Variants in STX16 observed in about 807,000 individuals in gnomAD.
The protein encoded by STX16 is syntaxin 16.
STX16 carries 28 observed loss-of-function variants against 42.7 expected under a neutral mutation model. The ratio of observed to expected loss-of-function variants is 0.66; its 90% CI spans 0.49 to 0.90. The LOEUF (loss-of-function observed/expected upper bound fraction) is 0.90. Among genes scored for constraint, STX16 ranks in the 40% least tolerant of loss-of-function variants. STX16 has a pLI of 0.00. For missense variants in STX16, 361 were observed against 420.9 expected, an observed-to-expected ratio of 0.86 and a Z score of 1.24; for synonymous variants, 156 against 155.2, an observed-to-expected ratio of 1.00 and a Z score of -0.04.
Position 58,670,504 on chromosome 20 carries a change from T to C in STX16, c.557-8T>C. The C allele has an allele frequency of 6.2e-7, 1 of 1,601,984 alleles. No homozygotes were observed. The highest frequency in any genetic ancestry group is 1.3e-5 in the African/African-American group (1 of 74,756). On this transcript the variant is annotated splice_polypyrimidine_tract_variant and splice_region_variant and intron_variant, in intron 5 of 8. Coordinates refer to ENST00000371141, the MANE Select transcript of STX16 (RefSeq NM_001001433.3). Reference sequence around the variant, plus strand: ...TATTCAAGTAAAATGAATTCCTATCTGTGATAGGCATGAAGAATCGAGAGG... The same window carrying C: ...TATTCAAGTAAAATGAATTCCTATCCGTGATAGGCATGAAGAATCGAGAGG...
chr20:58,655,101 C>T (rs780700903), intron 1 of STX16, among the ~76,000 whole-genome samples: 1 of 151,928 alleles, frequency 6.6e-6, no homozygotes, highest in Admixed American at 6.6e-5. Context: ...AAATAATAAC[C>T]TGGAATTTTA....
chr20:58,654,494 G>C (rs760561865), intron 1 of STX16, among the ~76,000 whole-genome samples: 3 of 152,084 alleles, frequency 2.0e-5, no homozygotes, highest in African/African-American at 4.8e-5. Flanking sequence ...ACTAAATAGA[G>C]GTTATGATTT....
chr20:58,668,089 G>A lies in STX16; in HGVS notation c.355G>A (p.Glu119Lys). The A allele has an allele frequency of 2.5e-6, 4 of 1,614,254 alleles. No homozygotes were observed. The highest frequency in any genetic ancestry group is 3.4e-6 in the Non-Finnish European group (4 of 1,180,054). The change falls in exon 4 of 9, where the codon GAA becomes AAA. Residue 119 changes from glutamate (E) to lysine (K), a missense_variant. Physicochemically the swap from Glu to Lys is moderately conservative, Grantham distance 56. Coordinates refer to ENST00000371141, the MANE Select transcript of STX16 (RefSeq NM_001001433.3). The stretch of plus-strand genomic sequence containing the variant: ...CACCCTGGATGACAGCAGCGAAGAG[G>A]AACATGCCATTGAGATAACTACCCA... The part of the protein sequence containing the change: ...RPTLDDSSEE[E>K]HAIEITTQEI...
chr20:58,672,685 C>CA (rs1255435610), intron 7 of STX16, among the ~76,000 whole-genome samples: 2 of 152,142 alleles, frequency 1.3e-5, no homozygotes, highest in African/African-American at 4.8e-5. Flanking sequence ...CGAGGGTACT[C>CA]ATGTGAGCAC....
chr20:58,665,700 G>A (rs762670963), intron 2 of STX16, among the ~76,000 whole-genome samples: 11 of 152,136 alleles, frequency 7.2e-5, no homozygotes, highest in African/African-American at 2.4e-4. Flanking sequence ...CAGACAGTGC[G>A]GGTTTGGATG....
At chr20:58,655,606 T>C (rs894473286) in intron 1 of STX16, among the ~76,000 whole-genome samples, 1 of 152,182 alleles carries the variant, frequency 6.6e-6, no homozygotes, top group East Asian at 1.9e-4. Context: ...TGATGGAAAA[T>C]GCCAGCAGCT....
chr20:58,658,881 C>T (rs774295385), intron 1 of STX16, among the ~76,000 whole-genome samples: 17 of 152,176 alleles, frequency 1.1e-4, no homozygotes, highest in African/African-American at 4.1e-4. Flanking sequence ...TGTTTTGTCT[C>T]GTTTGCTTGC....
At position 58,651,967 on chromosome 20, in the gene STX16, G is replaced by T; in HGVS notation, c.-40G>T. 1 of 1,608,576 alleles carries T rather than the reference G, an allele frequency of 6.2e-7. No homozygotes were observed. The highest frequency in any genetic ancestry group is 8.5e-7 in the Non-Finnish European group (1 of 1,175,350). Reference sequence around the variant, plus strand: ...AGTGAATAAATCAGGAATATAAGTGGGCGGGGGGCCCCTGAGAGGGGGGTC... The same window carrying T: ...AGTGAATAAATCAGGAATATAAGTGTGCGGGGGGCCCCTGAGAGGGGGGTC... On this transcript the variant is annotated 5_prime_UTR_variant, in exon 1 of 9. Transcript: ENST00000371141.
intron 2 of STX16, among the ~76,000 whole-genome samples, chr20:58,662,652 A>C (rs2083727988): frequency 6.6e-6 from 1 of 152,230 alleles, no homozygotes. Context: ...CTGGGACTAC[A>C]GGTGCGTGCC....
In STX16 at chr20:58,652,070, C is replaced by A. The variant is rs773961891; in HGVS notation, c.64C>A (p.Gln22Lys). 6.2e-7 allele frequency: 1 copy of A among 1,614,212 alleles called. No homozygotes were observed. Among genetic ancestry groups the A allele is most frequent in the East Asian group, 2.2e-5 (1 of 44,888 alleles). Residue 22 changes from glutamine (Q) to lysine (K), a missense_variant, in exon 1 of 9, where the codon CAG becomes AAG. Coordinates refer to ENST00000371141, the MANE Select transcript of STX16 (RefSeq NM_001001433.3). ...LLRNNSIQNRQLLAEQVSSHI... is the reference protein window; with the variant it reads ...LLRNNSIQNRKLLAEQVSSHI... ...GCGGAATAATTCCATCCAAAACCGG[C>A]AGCTGTTAGCCGAGCAAGTGAGTAG...
intron 2 of STX16, among the ~76,000 whole-genome samples, chr20:58,665,929 T>A (rs1328285111): frequency 6.6e-6 from 1 of 152,214 alleles, no homozygotes; most frequent in African/African-American, 2.4e-5. Context: ...CTCCAGGGCA[T>A]GCAGGGAGGT....
At chr20:58,655,659 A>G (rs979295480) in intron 1 of STX16, among the ~76,000 whole-genome samples, 5 of 152,020 alleles carry the variant, frequency 3.3e-5, no homozygotes, top group African/African-American at 1.2e-4. Context: ...GTTAATCCCA[A>G]CTATTTGTGT....
chr20:58,651,745 T>G lies in STX16; in HGVS notation c.-262T>G. On this transcript the variant is annotated 5_prime_UTR_variant, in exon 1 of 9. The change creates a new upstream start codon in the 5' untranslated region. Coordinates refer to ENST00000371141, the MANE Select transcript of STX16 (RefSeq NM_001001433.3). ...GGACGTTGGATCGCTACGCAAGGAT[T>G]GGGGGGATTCAAGTGCTTAGAGATC... 1 of 402,618 alleles carries G rather than the reference T, an allele frequency of 2.5e-6. No individual in the cohort carries two copies. The highest frequency in any genetic ancestry group is 4.6e-6 in the Non-Finnish European group (1 of 216,190). 24.9% of individuals were successfully genotyped at this position (402,618 alleles called of 1,614,324 possible).
At chr20:58,667,895 T>C (rs1312590612) in intron 3 of STX16, 92 bp from the exon 4 acceptor site, 2 of 1,550,300 alleles carry the variant, frequency 1.3e-6, no homozygotes, top group Non-Finnish European at 1.8e-6. Context: ...ACAAGTTTGC[T>C]GAAGACCGAA....
At position 58,651,543 on chromosome 20, in the gene STX16, G is replaced by A. The variant is rs41296203; in HGVS notation, c.-464G>A. On this transcript the variant is annotated 5_prime_UTR_variant, in exon 1 of 9. Coordinates refer to ENST00000371141, the MANE Select transcript of STX16 (RefSeq NM_001001433.3). ...AGGCCAGGCCTCTGGTGCGGAAACT[G>A]AGTCACAGCCAGACCTCAGGGCACG... 529 of 159,326 alleles carry A rather than the reference G, an allele frequency of 3.3e-3. 3 individuals carry two copies. Among genetic ancestry groups the A allele is most frequent in the Middle Eastern group, 0.013 (4 of 306 alleles). The allele number at this position is 159,326 out of a possible 1,614,324, so 9.9% of individuals were successfully genotyped here.
chr20:58,669,466 C>T lies in STX16; in HGVS notation c.556+13C>T, dbSNP rs1303068618. The T allele has an allele frequency of 1.4e-5, 22 of 1,593,630 alleles. No individual in the cohort carries two copies. Among genetic ancestry groups the T allele is most frequent in the African/African-American group, 5.4e-5 (4 of 73,546 alleles). On this transcript the variant is annotated intron_variant, in intron 5 of 8. Coordinates refer to ENST00000371141, the MANE Select transcript of STX16 (RefSeq NM_001001433.3). ...GGCTACCTCAAACGTGAGTGCTGCC[C>T]GGGCCTAGTGAAGGGATTTTGAGTA...
At position 58,651,906 on chromosome 20, in the gene STX16, C is replaced by G. The variant is rs1301771555; in HGVS notation, c.-101C>G. The stretch of plus-strand genomic sequence containing the variant: ...GCCTGAGGCCTTGTCGAGAAGCTTC[C>G]GTGAAAGGGTGGGCCAGCCGGGCCA... On this transcript the variant is annotated 5_prime_UTR_variant, in exon 1 of 9. Coordinates refer to ENST00000371141, the MANE Select transcript of STX16 (RefSeq NM_001001433.3). The G allele has an allele frequency of 7.5e-7, 1 of 1,330,992 alleles. No individual in the cohort carries two copies. Among genetic ancestry groups the G allele is most frequent in the Non-Finnish European group, 1.1e-6 (1 of 949,380 alleles). 82.4% of individuals were successfully genotyped at this position (1,330,992 alleles called of 1,614,324 possible).
chr20:58,660,902 A>C (rs1490113214), intron 2 of STX16, among the ~76,000 whole-genome samples: 1 of 151,030 alleles, frequency 6.6e-6, no homozygotes, highest in Non-Finnish European at 1.5e-5. Context: ...TTTTTAAACC[A>C]TGTGCATGTA....
At position 58,652,372 on chromosome 20, in the gene STX16, C is replaced by CCT. The variant is rs2083481404; in HGVS notation, c.132+235_132+236insTC. ...CGGTCTTCTCCTCACTTCCGCAGCA[C>CCT]CCCCCCCCCCGCACCCCCCGCCTTG... On this transcript the variant is annotated intron_variant, in intron 1 of 8. Coordinates refer to ENST00000371141, the MANE Select transcript of STX16 (RefSeq NM_001001433.3). 4 of 123,480 alleles carry CCT rather than the reference C, an allele frequency of 3.2e-5. No individual in the cohort carries two copies. In the East Asian group the frequency reaches 7.1e-4, roughly 22 times the overall value. The allele number at this position is 123,480 out of a possible 1,614,324, so 7.6% of individuals were successfully genotyped here.
Sources: allele counts gnomAD v4.1 joint callset (sites outside exome capture counted in the v4.1 genomes callset), GRCh38; gene constraint gnomAD v4.1.1; transcripts MANE v1.5; gene names NCBI Gene and HGNC (gene_info 2026-07-23, HGNC 2026-07-21).